The following ZNRF1 variants were observed in gnomAD, a reference collection of about 807,000 sequenced individuals.
ZNRF1 encodes the protein zinc and ring finger 1.
Under a neutral mutation model 18.4 loss-of-function variants are expected in ZNRF1, and 3 were observed. The ratio of observed to expected loss-of-function variants is 0.16; its 90% confidence interval spans 0.07 to 0.42. The LOEUF is 0.42. Ranked by LOEUF, ZNRF1 falls within the 10% of genes least tolerant of loss-of-function variation. ZNRF1 has a pLI of 0.99. For missense variants in ZNRF1, 310 were observed against 329.8 expected (o/e 0.94, Z 0.47); for synonymous variants, 157 against 144.2 (o/e 1.09, Z -0.64).
intron 1 of ZNRF1, among the ~76,000 whole-genome samples, chr16:75,038,631 A>G (rs1425332900): frequency 6.6e-6 from 1 of 152,174 alleles, no homozygotes; most frequent in Non-Finnish European, 1.5e-5. Flanking sequence ...ACCACAGAAC[A>G]CTTTCCTTGG....
At chr16:75,087,169 G>A (rs1326235805) in intron 1 of ZNRF1, among the ~76,000 whole-genome samples, 3 of 152,140 alleles carry the variant, frequency 2.0e-5, no homozygotes, top group African/African-American at 7.2e-5. Context: ...ATCCTTCCTC[G>A]GCTGCTCTGT....
chr16:75,009,852 A>G (rs888685045), intron 1 of ZNRF1, among the ~76,000 whole-genome samples: 4 of 152,074 alleles, frequency 2.6e-5, no homozygotes, highest in Admixed American at 2.6e-4. Flanking sequence ...GTGAGGTAGT[A>G]TCCCATAGTA....
intron 2 of ZNRF1, among the ~76,000 whole-genome samples, chr16:75,101,771 C>T (rs1427778100): frequency 6.6e-6 from 1 of 152,246 alleles, no homozygotes; most frequent in Admixed American, 6.5e-5. Context: ...GTCCTCCTTT[C>T]CTCTACCACT....
chr16:75,110,880 G>A lies in ZNRF1; in HGVS notation c.*3180G>A, dbSNP rs534257479. On this transcript the variant is annotated 3_prime_UTR_variant, in exon 5 of 5. Transcript: ENST00000335325. ...AGGGCTGTCTCGGTGATGAGCACAC[G>A]CGTGCTGGGGTGGTTTGGGGAGAGG... 5 of 152,312 alleles carry A rather than the reference G, an allele frequency of 3.3e-5. No homozygotes were observed. Among genetic ancestry groups the A allele is most frequent in the East Asian group, 1.9e-4 (1 of 5,166 alleles). 9.4% of individuals were successfully genotyped at this position (152,312 alleles called of 1,614,324 possible).
chr16:75,039,530 A>C (rs147479357), intron 1 of ZNRF1, among the ~76,000 whole-genome samples: 1 of 152,346 alleles, frequency 6.6e-6, no homozygotes, highest in East Asian at 1.9e-4. Context: ...AAACCATGAG[A>C]TCAATCATAA....
intron 1 of ZNRF1, among the ~76,000 whole-genome samples, chr16:75,014,486 G>C (rs951958090): frequency 6.6e-6 from 1 of 152,200 alleles, no homozygotes; most frequent in East Asian, 1.9e-4. Flanking sequence ...TATTGCTATA[G>C]CACATTTATT....
intron 2 of ZNRF1, among the ~76,000 whole-genome samples, chr16:75,101,488 G>A (rs572082847): frequency 6.6e-6 from 1 of 152,190 alleles, no homozygotes; most frequent in South Asian, 2.1e-4. Context: ...GGAGGTTGCA[G>A]TGAGCTGAGA....
In ZNRF1 at chr16:75,021,122, C is replaced by T. The variant is rs368453261; in HGVS notation, c.424+21027C>T. 2.4e-4 allele frequency among the ~76,000 whole-genome samples: 36 copies of T among 152,228 alleles called. No homozygotes were observed. In the South Asian group the frequency reaches 7.1e-3, roughly 30 times the overall value. On this transcript the variant is annotated intron_variant, in intron 1 of 4. Transcript: ENST00000335325. The stretch of plus-strand genomic sequence containing the variant: ...ATGGGGCGGTCTCAGCTCAGTGCAA[C>T]GTCCACCTCCCGGGTTCAAGTGATT...
intron 1 of ZNRF1, among the ~76,000 whole-genome samples, chr16:75,028,884 TC>T (rs2035260485): frequency 6.6e-6 from 1 of 152,220 alleles, no homozygotes; most frequent in African/African-American, 2.4e-5. Context: ...TTAGTTTTCT[TC>T]CTATCTCTCT....
chr16:75,045,386 A>G (rs2035501844), intron 1 of ZNRF1, among the ~76,000 whole-genome samples: 1 of 152,150 alleles, frequency 6.6e-6, no homozygotes, highest in South Asian at 2.1e-4. Context: ...AGCTTGAGTC[A>G]TTACCTTAGG....
At position 75,020,734 on chromosome 16, in the gene ZNRF1, A is replaced by G. The variant is rs147554286; in HGVS notation, c.424+20639A>G. 5.9e-5 allele frequency among the ~76,000 whole-genome samples: 9 copies of G among 152,070 alleles called. No homozygotes were observed. The East Asian group carries it at 1.4e-3, about 23-fold the overall frequency. The stretch of plus-strand genomic sequence containing the variant: ...TTTTTTTGTATTTTTAGTGGAGACA[A>G]GGTTTCACCGTGTTAGCCAGGAAGG... On this transcript the variant is annotated intron_variant, in intron 1 of 4. Coordinates refer to ENST00000335325, the MANE Select transcript of ZNRF1 (RefSeq NM_032268.5).
At chr16:75,029,217 G>T (rs1344170693) in intron 1 of ZNRF1, among the ~76,000 whole-genome samples, 1 of 151,960 alleles carries the variant, frequency 6.6e-6, no homozygotes, top group African/African-American at 2.4e-5. Context: ...CGCCATCTCA[G>T]CTCACTGCAA....
Position 75,011,274 on chromosome 16 carries a change from G to A in ZNRF1, c.424+11179G>A, listed in dbSNP as rs1264691736. Among the ~76,000 whole-genome samples, 4 of 152,136 alleles carry A rather than the reference G, an allele frequency of 2.6e-5. No individual in the cohort carries two copies. The East Asian group carries it at 7.7e-4, about 29-fold the overall frequency. ...CTTGGGATTCCAACCTAACAAATTA[G>A]TTTTCTGTAATATTGTTCTAGTCCA... On this transcript the variant is annotated intron_variant, in intron 1 of 4. Transcript: ENST00000335325.
chr16:75,012,743 C>T (rs373708516), intron 1 of ZNRF1, among the ~76,000 whole-genome samples: 83 of 152,310 alleles, frequency 5.4e-4, no homozygotes, highest in Non-Finnish European at 9.1e-4. Context: ...TCTCGGGACT[C>T]ATGTCTGAAC....
chr16:75,018,100 T>C (rs1214139353), intron 1 of ZNRF1, among the ~76,000 whole-genome samples: 1 of 152,210 alleles, frequency 6.6e-6, no homozygotes, highest in African/African-American at 2.4e-5. Flanking sequence ...TTGTAGCATA[T>C]CCACATCACT....
intron 1 of ZNRF1, among the ~76,000 whole-genome samples, chr16:75,043,698 A>T (rs901630109): frequency 6.6e-6 from 1 of 152,014 alleles, no homozygotes. Context: ...TATATATAGC[A>T]TGTAAGAGAC....
chr16:75,050,704 TAA>T (rs1177642859), intron 1 of ZNRF1, among the ~76,000 whole-genome samples: 8 of 148,174 alleles, frequency 5.4e-5, no homozygotes, highest in Non-Finnish European at 8.9e-5. Context: ...CCGTCTCTAC[TAA>T]AAAAATACAG....
At chr16:75,012,510 G>A (rs1324151955) in intron 1 of ZNRF1, among the ~76,000 whole-genome samples, 2 of 152,146 alleles carry the variant, frequency 1.3e-5, no homozygotes, top group Non-Finnish European at 2.9e-5. Flanking sequence ...ATATAAGGTC[G>A]TCTGTGCTCT....
chr16:75,047,141 C>T (rs1476390460), intron 1 of ZNRF1, among the ~76,000 whole-genome samples: 4 of 152,006 alleles, frequency 2.6e-5, no homozygotes, highest in African/African-American at 9.7e-5. Context: ...TATAGTGTTC[C>T]CTTAATATGT....
Sources: allele counts gnomAD v4.1 joint callset (sites outside exome capture counted in the v4.1 genomes callset), GRCh38; gene constraint gnomAD v4.1.1; transcripts MANE v1.5; gene names NCBI Gene and HGNC (gene_info 2026-07-23, HGNC 2026-07-21).